DYNC2I1: variants seen among roughly 807,000 people sequenced by gnomAD.
DYNC2I1 encodes the protein cytoplasmic dynein 2 intermediate chain 1.
Under a neutral mutation model 133.4 loss-of-function variants are expected in DYNC2I1, and 89 were observed. The ratio of observed to expected loss-of-function variants is 0.67; its 90% CI spans 0.56 to 0.80. The LOEUF (loss-of-function observed/expected upper bound fraction) is 0.80. Among genes scored for constraint, DYNC2I1 ranks in the 30% least tolerant of loss-of-function variants. The pLI is 0.00. For missense variants in DYNC2I1, 1,291 were observed against 1,314.5 expected, an observed-to-expected ratio of 0.98 and a Z score of 0.28; for synonymous variants, 504 against 484.3, an observed-to-expected ratio of 1.04 and a Z score of -0.54.
rs1844682955 is a variant in DYNC2I1 at position 158,887,087 on chromosome 7, T to C, written c.990+12T>C. 3 of 1,612,036 alleles carry C rather than the reference T, an allele frequency of 1.9e-6. No homozygotes were observed. The highest frequency in any genetic ancestry group is 1.3e-5 in the African/African-American group (1 of 74,906). On this transcript the variant is annotated intron_variant, in intron 7 of 24. Coordinates refer to ENST00000407559, the MANE Select transcript of DYNC2I1 (RefSeq NM_018051.5). The stretch of plus-strand genomic sequence containing the variant: ...ATTCAAGACGGAAGGTAAGGCAGTC[T>C]CCACTGAGAATACATTGATTTTATG...
At chr7:158,946,485 G>A (rs1205468265), downstream of DYNC2I1, among the ~76,000 whole-genome samples, 1 of 152,234 alleles carries the variant, frequency 6.6e-6, no homozygotes, top group Non-Finnish European at 1.5e-5. Flanking sequence ...TTCGTGTCTG[G>A]TCAGCTGCCC....
intron 4 of DYNC2I1, among the ~76,000 whole-genome samples, chr7:158,879,156 C>T (rs1201672122): frequency 6.6e-6 from 1 of 152,094 alleles, no homozygotes; most frequent in African/African-American, 2.4e-5. Flanking sequence ...AGTGTCTGAC[C>T]ATGGACCATG....
At chr7:158,897,508 A>G (rs1188957) in intron 8 of DYNC2I1, among the ~76,000 whole-genome samples, 150,544 of 152,302 alleles carry the variant, frequency 0.99, 74,415 homozygotes, top group East Asian at 1. Context: ...CATTTTACTA[A>G]GTTATCAAAT....
chr7:158,871,423 A>G lies in DYNC2I1; in HGVS notation c.351A>G (p.Arg117=). Residue 117 remains arginine, a synonymous_variant, in exon 3 of 25, where the codon AGA becomes AGG. Transcript: ENST00000407559. ...GAGAGGCAGAAAAGTCTCACAGCAGAGGAAAGGACAGGGAAAAAGAAAAAG... is the reference window on the plus strand; with the variant it reads ...GAGAGGCAGAAAAGTCTCACAGCAGGGGAAAGGACAGGGAAAAAGAAAAAG... The part of the protein sequence containing the change: ...KHREAEKSHS[R]GKDREKEKDR... 1.3e-6 allele frequency: 2 copies of G among 1,551,540 alleles called. No homozygotes were observed. The highest frequency in any genetic ancestry group is 1.7e-6 in the Non-Finnish European group (2 of 1,146,998).
At chr7:158,935,072 C>T (rs551247265) in intron 23 of DYNC2I1, among the ~76,000 whole-genome samples, 1 of 152,326 alleles carries the variant, frequency 6.6e-6, no homozygotes, top group Admixed American at 6.5e-5. Flanking sequence ...ACCTATGATA[C>T]AGCCAAAAAT....
At chr7:158,840,669 C>A in the DYNC2I1 span, among the ~76,000 whole-genome samples, 2 of 152,210 alleles carry the variant, frequency 1.3e-5, no homozygotes, top group Non-Finnish European at 2.9e-5. Context: ...TAACATTATA[C>A]AAAAGAGGAT....
downstream of DYNC2I1, among the ~76,000 whole-genome samples, chr7:158,950,456 C>G (rs1171332744): frequency 1.4e-5 from 2 of 141,636 alleles, no homozygotes; most frequent in African/African-American, 5.3e-5. Flanking sequence ...CGGGGACCAG[C>G]CTCTATACGA....
rs1847465513 is a variant in DYNC2I1, at chr7:158,911,429, C to G, written c.1461-121C>G. ...GTTAAATATCTCAGACTCACCCCAGCCTGAAGCTAGGTTTCTGACAATAAC... is the reference window on the plus strand; with the variant it reads ...GTTAAATATCTCAGACTCACCCCAGGCTGAAGCTAGGTTTCTGACAATAAC... On this transcript the variant is annotated intron_variant, in intron 11 of 24. Transcript: ENST00000407559. The G allele has an allele frequency of 8.2e-6, 9 of 1,102,010 alleles. No homozygotes were observed. In the East Asian group the frequency reaches 2.3e-4, roughly 28 times the overall value. 68.3% of individuals were successfully genotyped at this position (1,102,010 alleles called of 1,614,324 possible).
chr7:158,953,190 T>A (rs62477968), intron 4 of DYNC2I1, among the ~76,000 whole-genome samples: 1,836 of 125,246 alleles, frequency 0.015, 97 homozygotes, highest in South Asian at 0.035. Context: ...CTCCTCGCCC[T>A]CCTCTCCTAA....
At chr7:158,923,876 A>G in intron 17 of DYNC2I1, 143 bp downstream of exon 17, 1 of 1,035,716 alleles carries the variant, frequency 9.7e-7, no homozygotes. Context: ...GAGGCATTTG[A>G]TAAATACAAA....
At chr7:158,928,085 A>T (rs1471013514) in intron 20 of DYNC2I1, among the ~76,000 whole-genome samples, 1 of 152,220 alleles carries the variant, frequency 6.6e-6, no homozygotes, top group African/African-American at 2.4e-5. Context: ...CTTAGACTGG[A>T]TCCCAGGGTG....
chr7:158,925,873 C>T (rs896470489), intron 17 of DYNC2I1, among the ~76,000 whole-genome samples: 5 of 151,260 alleles, frequency 3.3e-5, no homozygotes, highest in African/African-American at 4.8e-5. Flanking sequence ...GAGACTTTCT[C>T]TGTCTGAGTT....
intron 23 of DYNC2I1, among the ~76,000 whole-genome samples, chr7:158,935,911 C>G (rs1205097545): frequency 6.6e-6 from 1 of 152,140 alleles, no homozygotes. Context: ...ACTAAAAATA[C>G]AAAGTTATCT....
intron 8 of DYNC2I1, 45 bp from the exon 9 acceptor site, chr7:158,901,694 T>A (rs1303984797): frequency 7.9e-7 from 1 of 1,272,442 alleles, no homozygotes; most frequent in Admixed American, 2.2e-5. Flanking sequence ...AATATTCAAT[T>A]TTATGATTGA....
chr7:158,915,315 GCT>G (rs1847970356), intron 14 of DYNC2I1, among the ~76,000 whole-genome samples: 1 of 150,588 alleles, frequency 6.6e-6, no homozygotes, highest in Non-Finnish European at 1.5e-5. Flanking sequence ...ACCTGGACAC[GCT>G]GGTTGACATT....
chr7:158,841,989 GTGTGTGACATTTC>G, the DYNC2I1 span, among the ~76,000 whole-genome samples: 1 of 152,164 alleles, frequency 6.6e-6, no homozygotes, highest in Non-Finnish European at 1.5e-5. Flanking sequence ...CATCCACGTC[GTGTGTGACATTTC>G]CAGATCCTGT....
the DYNC2I1 span, among the ~76,000 whole-genome samples, chr7:158,844,325 G>A: frequency 6.6e-6 from 1 of 152,138 alleles, no homozygotes; most frequent in Non-Finnish European, 1.5e-5. Flanking sequence ...GGTTTACTAA[G>A]CCAGACCTGG....
At chr7:158,896,206 A>G (rs1845748161) in intron 8 of DYNC2I1, among the ~76,000 whole-genome samples, 1 of 152,184 alleles carries the variant, frequency 6.6e-6, no homozygotes, top group Non-Finnish European at 1.5e-5. Context: ...TCACTTAGGT[A>G]TGATATTAGC....
intron 12 of DYNC2I1, among the ~76,000 whole-genome samples, chr7:158,912,594 T>G (rs1847596586): frequency 6.6e-6 from 1 of 152,208 alleles, no homozygotes; most frequent in Non-Finnish European, 1.5e-5. Context: ...GCTGATTCAC[T>G]CTGACCTTAA....
Sources: gnomAD v4.1 joint callset for allele counts (sites outside exome capture counted in the v4.1 genomes callset) on GRCh38, gnomAD v4.1.1 for gene constraint, MANE v1.5 for transcripts, NCBI Gene and HGNC (gene_info 2026-07-23, HGNC 2026-07-21) for gene names.